DAPK1: variants seen among roughly 807,000 people sequenced by gnomAD.
The protein encoded by DAPK1 is death-associated protein kinase 1.
Under a neutral mutation model 144.9 loss-of-function variants are expected in DAPK1, and 56 were observed. That is an observed-to-expected ratio of 0.39 (90% CI 0.31 to 0.48). The LOEUF (loss-of-function observed/expected upper bound fraction) is 0.48, where lower values mean the gene tolerates loss of function less well. Among genes scored for constraint, DAPK1 ranks in the 20% least tolerant of loss-of-function variants. The probability of loss-of-function intolerance (pLI) is 0.95; values close to 1 mark genes in which losing one functional copy is unlikely to be tolerated. For synonymous variants in DAPK1, 690 were observed against 749.0 expected, an observed-to-expected ratio of 0.92 and a Z score of 1.29; for missense variants, 1,454 against 1,875.4, an observed-to-expected ratio of 0.78 and a Z score of 4.15.
chr9:87,635,915 A>G (rs1459438892), intron 3 of DAPK1, among the ~76,000 whole-genome samples: 5 of 152,230 alleles, frequency 3.3e-5, no homozygotes, highest in African/African-American at 1.2e-4. Context: ...CACAGAAGCC[A>G]GGGCTGGAGA....
chr9:87,562,975 A>T (rs995283929), intron 2 of DAPK1, among the ~76,000 whole-genome samples: 2 of 152,234 alleles, frequency 1.3e-5, no homozygotes, highest in African/African-American at 4.8e-5. Context: ...TACTTTCTTC[A>T]TGACAAATGA....
chr9:87,637,901 A>C, intron 3 of DAPK1, 42 bp from the exon 4 acceptor site: 1 of 1,602,840 alleles, frequency 6.2e-7, no homozygotes, highest in South Asian at 1.1e-5. Context: ...AATCAATATG[A>C]AACAGAGTTG....
At chr9:87,628,090 G>A (rs1829547857) in intron 3 of DAPK1, among the ~76,000 whole-genome samples, 1 of 152,126 alleles carries the variant, frequency 6.6e-6, no homozygotes, top group African/African-American at 2.4e-5. Context: ...TTTGTTCTAG[G>A]TACCTTCAGG....
upstream of DAPK1, chr9:87,497,596 G>A (rs1490277018): frequency 1.3e-5 from 2 of 157,060 alleles, no homozygotes; most frequent in Non-Finnish European, 2.8e-5. Context: ...TGTCACAGGT[G>A]GGGCGCCCGC....
intron 14 of DAPK1, among the ~76,000 whole-genome samples, 194 bp downstream of exon 14, chr9:87,647,597 A>G (rs566191244): frequency 6.6e-6 from 1 of 152,342 alleles, no homozygotes; most frequent in Admixed American, 6.5e-5. Context: ...TTAAGTCAAA[A>G]TCTTTCAGGT....
chr9:87,633,332 G>A (rs1587791887), intron 3 of DAPK1: 2 of 985,050 alleles, frequency 2.0e-6, no homozygotes, highest in Non-Finnish European at 1.2e-6. Flanking sequence ...AGATATGAAG[G>A]AAGATGAGTA....
intron 2 of DAPK1, among the ~76,000 whole-genome samples, chr9:87,580,612 G>A (rs1180526095): frequency 1.3e-5 from 2 of 152,106 alleles, no homozygotes; most frequent in Non-Finnish European, 2.9e-5. Context: ...TTTGGATATT[G>A]AGCACTTATT....
intron 19 of DAPK1, among the ~76,000 whole-genome samples, chr9:87,678,646 A>G (rs1824494084): frequency 6.6e-6 from 1 of 152,216 alleles, no homozygotes; most frequent in Admixed American, 6.5e-5. Context: ...GATGTGTAAA[A>G]TGTAGTTAAG....
intron 21 of DAPK1, among the ~76,000 whole-genome samples, chr9:87,692,658 G>A (rs905148383): frequency 1.6e-4 from 25 of 151,844 alleles, no homozygotes; most frequent in African/African-American, 6.0e-4. Context: ...TTATGCTTTC[G>A]TGTGTTTTCA....
intron 14 of DAPK1, among the ~76,000 whole-genome samples, chr9:87,647,800 G>A (rs191539515): frequency 6.6e-6 from 1 of 152,340 alleles, no homozygotes; most frequent in East Asian, 1.9e-4. Context: ...GACAATCACA[G>A]ACACTAGAAG....
chr9:87,638,892 A>C (rs562810108), intron 4 of DAPK1, among the ~76,000 whole-genome samples: 1 of 152,328 alleles, frequency 6.6e-6, no homozygotes, highest in South Asian at 2.1e-4. Context: ...TCTTCCTGGC[A>C]TCTTGTTTCT....
At chr9:87,524,263 A>G (rs1462140700) in intron 2 of DAPK1, among the ~76,000 whole-genome samples, 2 of 152,136 alleles carry the variant, frequency 1.3e-5, no homozygotes, top group Admixed American at 1.3e-4. Context: ...ACTGTTCCTC[A>G]GGTCTCTGGG....
chr9:87,575,330 G>A (rs192110805), intron 2 of DAPK1, among the ~76,000 whole-genome samples: 17 of 152,160 alleles, frequency 1.1e-4, no homozygotes, highest in Non-Finnish European at 2.2e-4. Flanking sequence ...GCCTCAGCTT[G>A]CTGGGGATGT....
chr9:87,610,170 G>A (rs748869325), intron 3 of DAPK1, among the ~76,000 whole-genome samples: 8 of 152,182 alleles, frequency 5.3e-5, no homozygotes, highest in Non-Finnish European at 1.0e-4. Flanking sequence ...TCCCCTACTT[G>A]CTTCACTGGA....
At chr9:87,512,968 G>T (rs963086084) in intron 2 of DAPK1, among the ~76,000 whole-genome samples, 8 of 152,166 alleles carry the variant, frequency 5.3e-5, no homozygotes, top group African/African-American at 1.9e-4. Flanking sequence ...TTCTTTTAAA[G>T]AATTATTTCT....
rs187737191 is a variant in DAPK1 at position 87,666,431 on chromosome 9, T to C, written c.1924-2166T>C. Among the ~76,000 whole-genome samples the C allele has an allele frequency of 2.3e-3, 352 of 152,094 alleles. 7 individuals are homozygous for C. Among genetic ancestry groups the C allele is most frequent in the African/African-American group, 8.3e-3 (343 of 41,526 alleles). ...TGCAAGCTGTAAAGTGCAGTGCAAA[T>C]GTGAGGAAACATTTTTATTTTATAT... is the stretch of plus-strand genomic sequence containing the variant. On this transcript the variant is annotated intron_variant, in intron 18 of 25. Transcript: ENST00000408954.
chr9:87,628,622 G>T (rs1454095520), intron 3 of DAPK1, among the ~76,000 whole-genome samples: 1 of 152,180 alleles, frequency 6.6e-6, no homozygotes, highest in Non-Finnish European at 1.5e-5. Context: ...ACACAGTGGT[G>T]ATGACGGAGC....
chr9:87,501,096 G>A (rs532041341), intron 2 of DAPK1, among the ~76,000 whole-genome samples: 11 of 152,298 alleles, frequency 7.2e-5, no homozygotes, highest in South Asian at 2.1e-4. Context: ...ATGACATCAC[G>A]TGTCACTGAG....
intron 19 of DAPK1, among the ~76,000 whole-genome samples, chr9:87,673,631 C>T (rs1035628794): frequency 1.3e-5 from 2 of 152,058 alleles, no homozygotes; most frequent in African/African-American, 2.4e-5. Context: ...TGCATGGGAT[C>T]GACTCTGACG....
Sources: allele counts gnomAD v4.1 joint callset (sites outside exome capture counted in the v4.1 genomes callset), GRCh38; gene constraint gnomAD v4.1.1; transcripts MANE v1.5; gene names NCBI Gene and HGNC (gene_info 2026-07-23, HGNC 2026-07-21).